NRDC: variants seen among roughly 807,000 people sequenced by gnomAD.
NRDC encodes nardilysin convertase, also known as nardilysin.
Under a neutral mutation model 147.1 loss-of-function variants are expected in NRDC, and 54 were observed. That is an observed-to-expected ratio of 0.37 (90% CI 0.29 to 0.46). The LOEUF is 0.46. NRDC is among the 20% of genes least tolerant of loss of function. The pLI is 1.00. For synonymous variants in NRDC, 440 were observed against 482.1 expected, an observed-to-expected ratio of 0.91 and a Z score of 1.14; for missense variants, 1,082 against 1,370.6, an observed-to-expected ratio of 0.79 and a Z score of 3.33.
intron 1 of NRDC, among the ~76,000 whole-genome samples, chr1:51,843,063 C>CCAAA (rs761341026): frequency 2.5e-4 from 17 of 67,990 alleles, no homozygotes; most frequent in African/African-American, 1.0e-3. Flanking sequence ...AAACCTGTCT[C>CCAAA]AAAAAAAAAA....
At chr1:51,822,683 C>T (rs1326493086) in intron 7 of NRDC, among the ~76,000 whole-genome samples, 2 of 152,208 alleles carry the variant, frequency 1.3e-5, no homozygotes, top group East Asian at 3.9e-4. Flanking sequence ...TATTTGCAAA[C>T]ACAATAATCA....
intron 1 of NRDC, 57 bp from the exon 2 acceptor site, chr1:51,840,571 C>G (rs1003976223): frequency 8.7e-6 from 10 of 1,152,646 alleles, no homozygotes; most frequent in African/African-American, 1.5e-5. Context: ...TACACCAATA[C>G]AAGTAATCAG....
chr1:51,835,208 T>C (rs1239860208), intron 3 of NRDC, among the ~76,000 whole-genome samples: 3 of 151,804 alleles, frequency 2.0e-5, no homozygotes, highest in Non-Finnish European at 2.9e-5. Context: ...ACTCTAGGTG[T>C]GCGCCACCAT....
At chr1:51,834,406 C>T (rs1367224132) in intron 3 of NRDC, among the ~76,000 whole-genome samples, 13 of 151,930 alleles carry the variant, frequency 8.6e-5, no homozygotes, top group Non-Finnish European at 1.5e-5. Flanking sequence ...TCAAGTGATT[C>T]TTGAACCTCC....
rs1678573508 is a variant in NRDC, at chr1:51,790,564, T to C, written c.3137A>G (p.Gln1046Arg). The change falls in exon 29 of 31, where the codon CAG becomes CGG. Residue 1046 changes from glutamine (Q) to arginine (R), a missense_variant. Coordinates refer to ENST00000352171, the MANE Select transcript of NRDC (RefSeq NM_001101662.2). ...VDRNWNEVVTQQYLFDRLAHE... is the reference protein window; with the variant it reads ...VDRNWNEVVTRQYLFDRLAHE... The stretch of plus-strand genomic sequence containing the variant: ...GGCAAGGCGGTCAAAGAGGTACTGC[T>C]GTGTAACCACTTCATTCCAGTTCCT... 1 of 1,613,708 alleles carries C rather than the reference T, an allele frequency of 6.2e-7. No individual in the cohort carries two copies. The highest frequency in any genetic ancestry group is 1.3e-5 in the African/African-American group (1 of 74,918).
At chr1:51,790,208 G>A (rs1454752256) in intron 29 of NRDC, among the ~76,000 whole-genome samples, 3 of 152,012 alleles carry the variant, frequency 2.0e-5, no homozygotes, top group Non-Finnish European at 2.9e-5. Flanking sequence ...AATGAACTCC[G>A]TAAAGACAAA....
At chr1:51,828,743 G>A (rs1348238827) in intron 4 of NRDC, among the ~76,000 whole-genome samples, 28 of 128,096 alleles carry the variant, frequency 2.2e-4, no homozygotes, top group African/African-American at 8.1e-4. Context: ...TTTGGATATA[G>A]TGTCTCACTC....
chr1:51,803,399 C>T (rs984531798), intron 20 of NRDC, among the ~76,000 whole-genome samples: 9 of 151,288 alleles, frequency 5.9e-5, no homozygotes, highest in East Asian at 3.9e-4. Flanking sequence ...TGATTGAACC[C>T]GGGAGGCGGA....
chr1:51,841,082 T>C (rs192638417), intron 1 of NRDC, among the ~76,000 whole-genome samples: 2 of 152,204 alleles, frequency 1.3e-5, no homozygotes, highest in African/African-American at 4.8e-5. Flanking sequence ...CCCCACAGAC[T>C]GGTAGCCCCG....
intron 1 of NRDC, among the ~76,000 whole-genome samples, chr1:51,847,603 C>T (rs901347802): frequency 1.4e-4 from 22 of 152,218 alleles, no homozygotes; most frequent in Admixed American, 3.9e-4. Flanking sequence ...GACGCACCCT[C>T]CGCAGCTGCT....
intron 1 of NRDC, among the ~76,000 whole-genome samples, chr1:51,870,116 C>CA (rs1428229747): frequency 2.6e-5 from 4 of 152,198 alleles, no homozygotes; most frequent in Non-Finnish European, 5.9e-5. Flanking sequence ...AAATGCCTGG[C>CA]ATGTAAGCAC....
intron 1 of NRDC, among the ~76,000 whole-genome samples, chr1:51,872,818 C>G (rs912740392): frequency 1.3e-5 from 2 of 152,130 alleles, no homozygotes; most frequent in African/African-American, 4.8e-5. Context: ...ATCTTAAAAG[C>G]ACTTACTTTG....
At chr1:51,789,769 T>C in intron 29 of NRDC, 112 bp from the exon 30 acceptor site, 1 of 721,172 alleles carries the variant, frequency 1.4e-6, no homozygotes, top group South Asian at 1.6e-5. Context: ...CCTCATTTTA[T>C]TCTTCCTATT....
intron 16 of NRDC, 22 bp downstream of exon 16, chr1:51,810,259 G>A: frequency 6.4e-7 from 1 of 1,551,296 alleles, no homozygotes; most frequent in Non-Finnish European, 8.8e-7. Context: ...CTAAATGTAA[G>A]ACAATTGTTA....
chr1:51,847,665 CG>C (rs1451863155), intron 1 of NRDC, among the ~76,000 whole-genome samples: 5 of 152,340 alleles, frequency 3.3e-5, no homozygotes, highest in East Asian at 1.9e-4. Context: ...ACTCTGAGTG[CG>C]GGCCCGCCAA....
At chr1:51,817,329 T>TAAA (rs1680017635) in intron 10 of NRDC, among the ~76,000 whole-genome samples, 1 of 69,188 alleles carries the variant, frequency 1.4e-5, no homozygotes, top group Non-Finnish European at 2.8e-5. Context: ...AAAAGTTAAA[T>TAAA]TTTTATCAGT....
chr1:51,868,095 G>A (rs1682906198), intron 1 of NRDC, among the ~76,000 whole-genome samples: 1 of 152,072 alleles, frequency 6.6e-6, no homozygotes, highest in African/African-American at 2.4e-5. Flanking sequence ...GGTCTTAGGA[G>A]TACAGACTAT....
chr1:51,867,043 T>C (rs1053928966), intron 1 of NRDC, among the ~76,000 whole-genome samples: 29 of 152,138 alleles, frequency 1.9e-4, no homozygotes, highest in Admixed American at 1.6e-3. Flanking sequence ...GATGCGATCA[T>C]AGCTTACTGT....
In NRDC at chr1:51,790,967, A is replaced by G. The variant is rs1678607694; in HGVS notation, c.2984T>C (p.Ile995Thr). The change falls in exon 28 of 31, where the codon ATA (isoleucine) becomes ACA (threonine). Residue 995 changes from isoleucine (I) to threonine (T), a missense_variant. Transcript: ENST00000352171. Reference protein sequence around the residue: ...KYNSEVVDKKIEEFLSSFEEK... With the variant: ...KYNSEVVDKKTEEFLSSFEEK... ...CTCAAAGCTAGAAAGAAACTCTTCT[A>G]TCTTCTTATCAACAACTTCAGAACT... 2 of 1,613,158 alleles carry G rather than the reference A, an allele frequency of 1.2e-6. No individual in the cohort carries two copies. The highest frequency in any genetic ancestry group is 8.5e-7 in the Non-Finnish European group (1 of 1,179,406).
Sources: allele counts gnomAD v4.1 joint callset (sites outside exome capture counted in the v4.1 genomes callset), GRCh38; gene constraint gnomAD v4.1.1; transcripts MANE v1.5; gene names NCBI Gene and HGNC (gene_info 2026-07-23, HGNC 2026-07-21).